Variants in HMGA1 observed in about 807,000 individuals in gnomAD.
The protein encoded by HMGA1 is high mobility group AT-hook 1, also known as high mobility group protein HMG-I/HMG-Y.
A neutral mutation model predicts 15.1 loss-of-function variants in HMGA1; 1 was observed. The ratio of observed to expected loss-of-function variants is 0.07; its 90% CI spans 0.02 to 0.31. The LOEUF is 0.31. Among genes scored for constraint, HMGA1 ranks in the 10% least tolerant of loss-of-function variants. The pLI, the probability that HMGA1 is intolerant of heterozygous loss-of-function variation, is 1.00. For synonymous variants in HMGA1, 56 were observed against 54.8 expected (o/e 1.02, Z -0.10); for missense variants, 94 against 141.4 (o/e 0.66, Z 1.70).
At chr6:34,243,351 G>GT (rs1350817319) in intron 4 of HMGA1, 117 bp from the exon 5 acceptor site, 2 of 811,738 alleles carry the variant, frequency 2.5e-6, no homozygotes, top group Non-Finnish European at 4.2e-6. Context: ...GGCCTGTTGG[G>GT]TGAGAGTGTT....
At chr6:34,237,916 C>T (rs2127537648) in intron 2 of HMGA1, among the ~76,000 whole-genome samples, 1 of 152,242 alleles carries the variant, frequency 6.6e-6, no homozygotes, top group Non-Finnish European at 1.5e-5. Context: ...TTCACCCCGA[C>T]CCCACCTCTG....
intron 2 of HMGA1, chr6:34,239,064 A>G (rs373342588): frequency 3.9e-5 from 6 of 152,322 alleles, no homozygotes; most frequent in South Asian, 4.1e-4. Context: ...AGGCCAAGCC[A>G]CTAATGACGG....
intron 1 of HMGA1, 73 bp downstream of exon 1, chr6:34,237,036 G>T (rs919949977): frequency 5.3e-5 from 8 of 151,806 alleles, no homozygotes; most frequent in African/African-American, 1.7e-4. Flanking sequence ...ATTTATTGAG[G>T]CCGCGCACGG....
intron 3 of HMGA1, 122 bp downstream of exon 3, chr6:34,241,037 G>A: frequency 8.7e-7 from 1 of 1,153,102 alleles, no homozygotes. Context: ...CAGTAAGCGT[G>A]TGGGTGTGTC....
Position 34,245,538 on chromosome 6 carries a change from G to T in HMGA1, c.*654G>T, listed in dbSNP as rs890870444. 3.1e-5 allele frequency: 43 copies of T among 1,381,694 alleles called. No individual in the cohort carries two copies. The highest frequency in any genetic ancestry group is 3.6e-5 in the Non-Finnish European group (37 of 1,036,408). 85.6% of individuals were successfully genotyped at this position (1,381,694 alleles called of 1,614,324 possible). A position where few individuals can be genotyped will look rare whatever the true frequency, so the allele number is the denominator to read the frequency against. On this transcript the variant is annotated 3_prime_UTR_variant, in exon 6 of 6. Coordinates refer to ENST00000311487, the MANE Select transcript of HMGA1 (RefSeq NM_145899.3). The stretch of plus-strand genomic sequence containing the variant: ...CTTCGGTTACAGGAAGGCAGGAGGG[G>T]TGAGTCCCCTACTCCCTCTTCACTG...
Position 34,240,703 on chromosome 6 carries a change from G to T in HMGA1, c.-44-34G>T, listed in dbSNP as rs572115011. On this transcript the variant is annotated intron_variant, in intron 2 of 5. Coordinates refer to ENST00000311487, the MANE Select transcript of HMGA1 (RefSeq NM_145899.3). ...AGGGGGTAGAAAGTGGCTGAAGCGA[G>T]ATGTTTGTCTAAAAGCACTTTTCTG... 7.6e-5 allele frequency: 118 copies of T among 1,551,934 alleles called. 1 individual carries two copies. In the Admixed American group the frequency reaches 9.5e-4, roughly 13 times the overall value.
chr6:34,244,918 C>G lies in HMGA1; in HGVS notation c.*34C>G, dbSNP rs1762615215. The G allele has an allele frequency of 6.5e-7, 1 of 1,550,276 alleles. No individual in the cohort carries two copies. On this transcript the variant is annotated 3_prime_UTR_variant, in exon 6 of 6. Transcript: ENST00000311487. ...TGCCGCCTGCTCCTCACTGGAGGAGCAGCTTCCTTCTGGGACTGGACAGCT... is the reference window on the plus strand; with the variant it reads ...TGCCGCCTGCTCCTCACTGGAGGAGGAGCTTCCTTCTGGGACTGGACAGCT...
At chr6:34,243,597 A>G (rs1363200209) in intron 5 of HMGA1, 79 bp downstream of exon 5, 9 of 1,141,840 alleles carry the variant, frequency 7.9e-6, no homozygotes, top group East Asian at 7.2e-5. Context: ...ACCTGATGCT[A>G]TGCACCCCCT....
intron 1 of HMGA1, 120 bp downstream of exon 1, chr6:34,237,083 G>A (rs995817863): frequency 3.3e-5 from 5 of 152,000 alleles, no homozygotes; most frequent in African/African-American, 9.7e-5. Context: ...CATCCTTCGG[G>A]GGAGGGGGAA....
Position 34,241,025 on chromosome 6 carries a change from C to T in HMGA1, c.135+110C>T, listed in dbSNP as rs531719985. 22 of 1,280,222 alleles carry T rather than the reference C, an allele frequency of 1.7e-5. No homozygotes were observed. The East Asian group carries it at 4.9e-4, about 29-fold the overall frequency. The allele number at this position is 1,280,222 out of a possible 1,614,324, so 79.3% of individuals were successfully genotyped here. A position where few individuals can be genotyped will look rare whatever the true frequency, so the allele number is the denominator to read the frequency against. ...GCATGGAGGGTGCAGAATGATTCTG[C>T]GCAGTAAGCGTGTGGGTGTGTCCTC... On this transcript the variant is annotated intron_variant, in intron 3 of 5. Coordinates refer to ENST00000311487, the MANE Select transcript of HMGA1 (RefSeq NM_145899.3).
At chr6:34,239,845 G>A (rs1045130618) in intron 2 of HMGA1, among the ~76,000 whole-genome samples, 1 of 152,150 alleles carries the variant, frequency 6.6e-6, no homozygotes, top group African/African-American at 2.4e-5. Flanking sequence ...GAAGAAGGAA[G>A]ATGCTAGAAA....
At chr6:34,242,676 G>C in intron 3 of HMGA1, 36 bp from the exon 4 acceptor site, 3 of 1,439,564 alleles carry the variant, frequency 2.1e-6, no homozygotes, top group South Asian at 1.2e-5. Flanking sequence ...GGAAACAGGT[G>C]ATGACTGTCC....
chr6:34,237,786 GGGAAGTTCT>G (rs1761924637), intron 2 of HMGA1, among the ~76,000 whole-genome samples: 1 of 151,694 alleles, frequency 6.6e-6, no homozygotes, highest in Non-Finnish European at 1.5e-5. Context: ...CCGCAGCTCA[GGGAAGTTCT>G]GGAAGTGAGG....
Position 34,237,077 on chromosome 6 carries a change from C to T in HMGA1, c.-159+114C>T, listed in dbSNP as rs532749103. ...GCCCAGCTTCCTGCCCCTCGCCATC[C>T]TTCGGGGGAGGGGGAATATTTTTGT... is the stretch of plus-strand genomic sequence containing the variant. On this transcript the variant is annotated intron_variant, in intron 1 of 5. Coordinates refer to ENST00000311487, the MANE Select transcript of HMGA1 (RefSeq NM_145899.3). The T allele has an allele frequency of 4.4e-3, 664 of 152,088 alleles. 13 individuals carry two copies. The highest frequency in any genetic ancestry group is 0.014 in the Middle Eastern group (4 of 296). The allele number at this position is 152,088 out of a possible 1,614,324, so 9.4% of individuals were successfully genotyped here.
intron 4 of HMGA1, among the ~76,000 whole-genome samples, chr6:34,243,029 TC>T (rs981269233): frequency 1.3e-4 from 19 of 151,844 alleles, no homozygotes; most frequent in Non-Finnish European, 2.4e-4. Context: ...GGAGATCAGG[TC>T]AGAAGTCCCA....
rs1260485223 is a variant in HMGA1, at chr6:34,245,639, C to T, written c.*755C>T. ...GATGGAGATGCAGTCACTTATTGTC[C>T]AGGTGAGGCCCAAGAGCCCTGTGGC... On this transcript the variant is annotated 3_prime_UTR_variant, in exon 6 of 6. Coordinates refer to ENST00000311487, the MANE Select transcript of HMGA1 (RefSeq NM_145899.3). 9 of 1,373,058 alleles carry T rather than the reference C, an allele frequency of 6.6e-6. No homozygotes were observed. The highest frequency in any genetic ancestry group is 5.8e-6 in the Non-Finnish European group (6 of 1,029,706). 85.1% of individuals were successfully genotyped at this position (1,373,058 alleles called of 1,614,324 possible).
intron 4 of HMGA1, 49 bp from the exon 5 acceptor site, chr6:34,243,419 G>A (rs750068382): frequency 7.0e-7 from 1 of 1,428,014 alleles, no homozygotes; most frequent in South Asian, 1.2e-5. Context: ...CATCGGGTGA[G>A]CACTGATGAG....
At chr6:34,238,285 C>T (rs1179946797) in intron 2 of HMGA1, among the ~76,000 whole-genome samples, 3 of 152,084 alleles carry the variant, frequency 2.0e-5, no homozygotes, top group Admixed American at 6.5e-5. Flanking sequence ...CGGGTCCCGC[C>T]GGCCGGCCTG....
chr6:34,240,825 G>A lies in HMGA1; in HGVS notation c.45G>A (p.Lys15=). 1 of 1,613,076 alleles carries A rather than the reference G, an allele frequency of 6.2e-7. No homozygotes were observed. The highest frequency in any genetic ancestry group is 1.1e-5 in the South Asian group (1 of 91,026). The part of the protein sequence containing the change: ...SSKSSQPLAS[K]QEKDGTEKRG... ...AGTCCAGCCAGCCCTTGGCCTCCAA[G>A]CAGGAAAAGGACGGCACTGAGAAGC... The change falls in exon 3 of 6, where the codon AAG becomes AAA. Residue 15 remains lysine (K), a synonymous_variant. Coordinates refer to ENST00000311487, the MANE Select transcript of HMGA1 (RefSeq NM_145899.3).
Sources: gnomAD v4.1 joint callset for allele counts (sites outside exome capture counted in the v4.1 genomes callset) on GRCh38, gnomAD v4.1.1 for gene constraint, MANE v1.5 for transcripts, NCBI Gene and HGNC (gene_info 2026-07-23, HGNC 2026-07-21) for gene names.